The following PRSS12 variants were observed in gnomAD, a reference collection of about 807,000 sequenced individuals.
The protein encoded by PRSS12 is serine protease 12.
In PRSS12, 85 loss-of-function variants were observed where a neutral mutation model predicts 104.4. That is an observed-to-expected ratio of 0.81 (90% CI 0.68 to 0.98). The LOEUF is 0.98. Ranked by LOEUF, PRSS12 falls within the 50% of genes least tolerant of loss-of-function variation. PRSS12 has a pLI of 0.00. For missense variants in PRSS12, 1,141 were observed against 1,139.2 expected, an observed-to-expected ratio of 1.00 and a Z score of -0.02; for synonymous variants, 454 against 425.2, an observed-to-expected ratio of 1.07 and a Z score of -0.83.
intron 1 of PRSS12, among the ~76,000 whole-genome samples, chr4:118,350,657 T>C (rs756111556): frequency 1.3e-5 from 2 of 152,216 alleles, no homozygotes; most frequent in Non-Finnish European, 2.9e-5. Flanking sequence ...TCAAAAGATT[T>C]ACATTTCTAG....
chr4:118,311,472 T>C (rs1256692898), intron 7 of PRSS12, among the ~76,000 whole-genome samples: 1 of 152,140 alleles, frequency 6.6e-6, no homozygotes, highest in East Asian at 1.9e-4. Context: ...TCCTAAATGC[T>C]GTTATTTATA....
chr4:118,295,691 T>C, intron 10 of PRSS12, 87 bp downstream of exon 10: 1 of 1,216,756 alleles, frequency 8.2e-7, no homozygotes. Flanking sequence ...ACAAGTCCCT[T>C]ATATAACAGA....
rs1742867486 is a variant in PRSS12 at position 118,281,907 on chromosome 4, A to G, written c.*29T>C. 1.0e-6 allele frequency: 1 copy of G among 997,468 alleles called. No homozygotes were observed. The highest frequency in any genetic ancestry group is 1.6e-6 in the Non-Finnish European group (1 of 616,246). 61.8% of individuals were successfully genotyped at this position (997,468 alleles called of 1,614,324 possible). A position where few individuals can be genotyped will look rare whatever the true frequency, so the allele number is the denominator to read the frequency against. ...GGGGTTCAAAGTTTTCCATTTGTTT[A>G]AATGCTGCTTTGAAGTTTCCATGAA... is the stretch of plus-strand genomic sequence containing the variant. On this transcript the variant is annotated 3_prime_UTR_variant, in exon 13 of 13. Transcript: ENST00000296498.
chr4:118,318,355 C>T, intron 5 of PRSS12, 23 bp downstream of exon 5: 9 of 1,612,318 alleles, frequency 5.6e-6, no homozygotes, highest in Non-Finnish European at 7.6e-6. Flanking sequence ...AGAACTGGTA[C>T]ACTAATGGAG....
chr4:118,307,265 A>C (rs986513148), intron 8 of PRSS12, among the ~76,000 whole-genome samples: 9 of 152,310 alleles, frequency 5.9e-5, no homozygotes, highest in Middle Eastern at 3.4e-3. Context: ...ACTGGGTCCA[A>C]AACTGAGCCA....
chr4:118,339,936 C>T (rs542170418), intron 1 of PRSS12, among the ~76,000 whole-genome samples: 5 of 152,108 alleles, frequency 3.3e-5, no homozygotes, highest in South Asian at 2.1e-4. Context: ...TTACTAATTC[C>T]TCCCCTTAAT....
intron 1 of PRSS12, among the ~76,000 whole-genome samples, chr4:118,346,841 T>A (rs1442132395): frequency 1.3e-5 from 2 of 152,134 alleles, no homozygotes; most frequent in African/African-American, 4.8e-5. Context: ...CTTATGAGAA[T>A]CTAATGCCTG....
At chr4:118,336,688 G>A (rs896271329) in intron 2 of PRSS12, among the ~76,000 whole-genome samples, 2 of 152,120 alleles carry the variant, frequency 1.3e-5, no homozygotes, top group Non-Finnish European at 2.9e-5. Flanking sequence ...AAACCACACA[G>A]TAGTTCACAC....
rs183786999 is a variant in PRSS12, at chr4:118,285,083, C to T, written c.2040-1972G>A. Among the ~76,000 whole-genome samples, 7 of 152,134 alleles carry T rather than the reference C, an allele frequency of 4.6e-5. No homozygotes were observed. The East Asian group carries it at 9.6e-4, about 21-fold the overall frequency. ...TCTCGTATATATGATTAACTGTCAGCGCTCAAAAACTAAACAGTGCAATAA... is the reference window on the plus strand; with the variant it reads ...TCTCGTATATATGATTAACTGTCAGTGCTCAAAAACTAAACAGTGCAATAA... On this transcript the variant is annotated intron_variant, in intron 11 of 12. Transcript: ENST00000296498.
At chr4:118,313,619 G>A (rs1224409425) in intron 6 of PRSS12, among the ~76,000 whole-genome samples, 2 of 152,094 alleles carry the variant, frequency 1.3e-5, no homozygotes. Context: ...AATAACAAAT[G>A]AAAAATTAAT....
chr4:118,348,575 G>T (rs1162446553), intron 1 of PRSS12, among the ~76,000 whole-genome samples: 2 of 151,980 alleles, frequency 1.3e-5, no homozygotes, highest in Non-Finnish European at 2.9e-5. Flanking sequence ...ATTTTAACAA[G>T]TCCCAAGGTG....
intron 1 of PRSS12, among the ~76,000 whole-genome samples, chr4:118,343,226 A>C (rs1386421700): frequency 6.9e-6 from 1 of 145,960 alleles, no homozygotes; most frequent in Non-Finnish European, 1.5e-5. Context: ...CTGTCTTTAC[A>C]AAAAAAAAAA....
At chr4:118,303,822 A>G (rs1235034564) in intron 8 of PRSS12, 1 of 152,056 alleles carries the variant, frequency 6.6e-6, no homozygotes, top group Admixed American at 6.5e-5. Context: ...CACAAAAAGC[A>G]TATCTTGCAC....
rs1742901594 is a variant in PRSS12 at position 118,282,298 on chromosome 4, AAC to A, written c.2321-57_2321-56del. 3.1e-6 allele frequency: 5 copies of A among 1,596,078 alleles called. No homozygotes were observed. The South Asian group carries it at 5.5e-5, about 18-fold the overall frequency. On this transcript the variant is annotated intron_variant, in intron 12 of 12. Coordinates refer to ENST00000296498, the MANE Select transcript of PRSS12 (RefSeq NM_003619.4). ...ATTCCAGATAACCATCGCAACATTT[AAC>A]AGTTACTGAGCATGTAATAGTTATG...
intron 8 of PRSS12, among the ~76,000 whole-genome samples, chr4:118,299,745 A>T (rs959241618): frequency 1.3e-4 from 7 of 55,458 alleles, no homozygotes; most frequent in African/African-American, 3.4e-4. Flanking sequence ...ATAAAATAAA[A>T]TAAATAAAAT....
chr4:118,331,370 T>C (rs1723912855), intron 4 of PRSS12, among the ~76,000 whole-genome samples: 1 of 152,172 alleles, frequency 6.6e-6, no homozygotes, highest in Non-Finnish European at 1.5e-5. Flanking sequence ...TAAATTTGAG[T>C]TACAAGCTAA....
chr4:118,281,216 G>A lies in PRSS12; in HGVS notation c.*720C>T, dbSNP rs1348867006. 2.0e-5 allele frequency: 3 copies of A among 152,542 alleles called. No homozygotes were observed. Among genetic ancestry groups the A allele is most frequent in the African/African-American group, 4.8e-5 (2 of 41,462 alleles). 9.4% of individuals were successfully genotyped at this position (152,542 alleles called of 1,614,324 possible). Reference sequence around the variant, plus strand: ...TTGGATAAAATAGGTTGTATGTCCAGCTGGCATTTAGTTACCAGAAATCCT... The same window carrying A: ...TTGGATAAAATAGGTTGTATGTCCAACTGGCATTTAGTTACCAGAAATCCT... On this transcript the variant is annotated 3_prime_UTR_variant, in exon 13 of 13. Coordinates refer to ENST00000296498, the MANE Select transcript of PRSS12 (RefSeq NM_003619.4).
rs1449458911 is a variant in PRSS12, at chr4:118,281,083, G to A, written c.*853C>T. On this transcript the variant is annotated 3_prime_UTR_variant, in exon 13 of 13. Transcript: ENST00000296498. ...GGCTTGGGAAAACCTGCAGGTATAA[G>A]TCAGTTACAGGGAAGTGTCAGTGGG... 1 of 152,278 alleles carries A rather than the reference G, an allele frequency of 6.6e-6. No homozygotes were observed. Among genetic ancestry groups the A allele is most frequent in the Non-Finnish European group, 1.5e-5 (1 of 68,058 alleles). The allele number at this position is 152,278 out of a possible 1,614,324, so 9.4% of individuals were successfully genotyped here. A position where few individuals can be genotyped will look rare whatever the true frequency, so the allele number is the denominator to read the frequency against.
At chr4:118,290,320 C>G (rs1340810652) in intron 11 of PRSS12, among the ~76,000 whole-genome samples, 1 of 152,148 alleles carries the variant, frequency 6.6e-6, no homozygotes. Flanking sequence ...TACTTTAATA[C>G]TTTAAGCCTT....
Sources: allele counts gnomAD v4.1 joint callset (sites outside exome capture counted in the v4.1 genomes callset), GRCh38; gene constraint gnomAD v4.1.1; transcripts MANE v1.5; gene names NCBI Gene and HGNC (gene_info 2026-07-23, HGNC 2026-07-21).